AEBP2: variants seen among roughly 807,000 people sequenced by gnomAD.
AEBP2 encodes AE binding protein 2.
Under a neutral mutation model 50.8 loss-of-function variants are expected in AEBP2, and 10 were observed. The observed-to-expected ratio is 0.20, with a 90% CI of 0.12 to 0.33. The LOEUF is 0.33. AEBP2 is among the 10% of genes least tolerant of loss of function. The pLI is 1.00. For missense variants in AEBP2, 570 were observed against 688.0 expected (o/e 0.83, Z 1.92); for synonymous variants, 296 against 261.3 (o/e 1.13, Z -1.28).
At position 19,451,026 on chromosome 12, in the gene AEBP2, A is replaced by G. The variant is rs1414562370; in HGVS notation, c.671+10656A>G. On this transcript the variant is annotated intron_variant, in intron 1 of 7. Coordinates refer to ENST00000266508, the MANE Select transcript of AEBP2 (RefSeq NM_153207.5). ...ATTACTGTTTTGCACTTGTTTGACT[A>G]TGGGCAAATCTTAATTTATCTGAAA... 3.9e-5 allele frequency among the ~76,000 whole-genome samples: 6 copies of G among 152,126 alleles called. No homozygotes were observed. In the East Asian group the frequency reaches 7.7e-4, roughly 20 times the overall value.
chr12:19,517,612 A>AC (rs558322886), intron 7 of AEBP2, among the ~76,000 whole-genome samples: 41 of 152,016 alleles, frequency 2.7e-4, no homozygotes, highest in African/African-American at 9.9e-4. Flanking sequence ...GATTCTGGGG[A>AC]CCCCCCACTC....
intron 2 of AEBP2, among the ~76,000 whole-genome samples, 180 bp downstream of exon 2, chr12:19,462,897 G>T (rs181391572): frequency 2.0e-4 from 31 of 152,186 alleles, no homozygotes; most frequent in Admixed American, 1.9e-3. Context: ...TAAAAATAGG[G>T]TATGTGCTGG....
chr12:19,514,827 A>G, intron 7 of AEBP2, 43 bp downstream of exon 7: 1 of 1,461,628 alleles, frequency 6.8e-7, no homozygotes, highest in Admixed American at 2.0e-5. Flanking sequence ...TTGATTTGTA[A>G]TTTTCTCTCC....
At chr12:19,506,223 A>G (rs189825845) in intron 5 of AEBP2, among the ~76,000 whole-genome samples, 36 of 152,056 alleles carry the variant, frequency 2.4e-4, no homozygotes, top group Admixed American at 4.6e-4. Context: ...CAGCTTCCCT[A>G]GTAGCTGGGA....
At chr12:19,429,318 T>C (rs905645555) in intron 1 of AEBP2, among the ~76,000 whole-genome samples, 4 of 152,208 alleles carry the variant, frequency 2.6e-5, no homozygotes, top group African/African-American at 9.6e-5. Flanking sequence ...CATCCTTTTT[T>C]ATGGCTGCAT....
At chr12:19,433,141 T>A (rs2095752298) in intron 1 of AEBP2, among the ~76,000 whole-genome samples, 1 of 152,202 alleles carries the variant, frequency 6.6e-6, no homozygotes, top group South Asian at 2.1e-4. Context: ...ATCTTGGCAC[T>A]TTGGGCGGCC....
At chr12:19,472,273 CTG>C (rs1368429872) in intron 2 of AEBP2, among the ~76,000 whole-genome samples, 1 of 152,108 alleles carries the variant, frequency 6.6e-6, no homozygotes, top group Non-Finnish European at 1.5e-5. Context: ...AAGTGTGACT[CTG>C]TAATTGTTCT....
chr12:19,419,028 C>A, intron 1 of AEBP2: 1 of 160,892 alleles, frequency 6.2e-6, no homozygotes, highest in South Asian at 1.8e-4. Flanking sequence ...GAAGCTAAAC[C>A]AGACATCGCC....
intron 1 of AEBP2, among the ~76,000 whole-genome samples, chr12:19,451,955 A>G (rs1948172225): frequency 6.6e-6 from 1 of 152,088 alleles, no homozygotes; most frequent in Admixed American, 6.6e-5. Context: ...GCAGTGGCAC[A>G]ATCTTGCTTC....
At chr12:19,456,615 A>G (rs2153369125) in intron 1 of AEBP2, 1 of 1,527,674 alleles carries the variant, frequency 6.5e-7, no homozygotes, top group East Asian at 2.3e-5. Flanking sequence ...CTGAGCAGTG[A>G]AGCCAGCCGC....
intron 2 of AEBP2, among the ~76,000 whole-genome samples, chr12:19,463,383 C>G (rs1948411108): frequency 6.6e-6 from 1 of 152,030 alleles, no homozygotes; most frequent in South Asian, 2.1e-4. Context: ...TCAACTTTAC[C>G]TAGAATTTTG....
In AEBP2 at chr12:19,457,137, T is replaced by C; in HGVS notation, c.672-5373T>C. On this transcript the variant is annotated intron_variant, in intron 1 of 7. Coordinates refer to ENST00000266508, the MANE Select transcript of AEBP2 (RefSeq NM_153207.5). Reference sequence around the variant, plus strand: ...TGACTTCCTTAACAATTTCCTCATATCTCTTCTGGCTGTAGGGTGGCTCAG... The same window carrying C: ...TGACTTCCTTAACAATTTCCTCATACCTCTTCTGGCTGTAGGGTGGCTCAG... The C allele has an allele frequency of 3.8e-6, 6 of 1,598,490 alleles. No individual in the cohort carries two copies. The South Asian group carries it at 5.5e-5, about 15-fold the overall frequency.
At chr12:19,408,701 A>G (rs2095737658) in intron 1 of AEBP2, among the ~76,000 whole-genome samples, 2 of 152,090 alleles carry the variant, frequency 1.3e-5, no homozygotes, top group African/African-American at 4.8e-5. Context: ...GGAGTTCAAG[A>G]GCAGCCTAAC....
At chr12:19,450,206 G>A (rs1208921956) in intron 1 of AEBP2, among the ~76,000 whole-genome samples, 1 of 151,920 alleles carries the variant, frequency 6.6e-6, no homozygotes, top group Admixed American at 6.6e-5. Flanking sequence ...AGTAGAAAAA[G>A]TGACCACCCC....
In AEBP2 at chr12:19,520,296, A is replaced by G. The variant is rs1277252840; in HGVS notation, c.*2179A>G. On this transcript the variant is annotated 3_prime_UTR_variant, in exon 8 of 8. Transcript: ENST00000266508. ...TGAAAAGATACATCTGATATTTTCT[A>G]TATAGAGCACAGTAAATAAGTTTTT... The G allele has an allele frequency of 1.1e-4, 17 of 152,190 alleles. No individual in the cohort carries two copies. The highest frequency in any genetic ancestry group is 1.1e-3 in the Admixed American group (17 of 15,282). The allele number at this position is 152,190 out of a possible 1,614,324, so 9.4% of individuals were successfully genotyped here. A position where few individuals can be genotyped will look rare whatever the true frequency, so the allele number is the denominator to read the frequency against.
chr12:19,519,448 C>T lies in AEBP2; in HGVS notation c.*1331C>T, dbSNP rs1306568082. ...CTAAGAACAAAACACATTGAACATC[C>T]TTCCAGAAAGTCTTTGAGGGAGGAC... On this transcript the variant is annotated 3_prime_UTR_variant, in exon 8 of 8. Transcript: ENST00000266508. 1 of 152,514 alleles carries T rather than the reference C, an allele frequency of 6.6e-6. No individual in the cohort carries two copies. The highest frequency in any genetic ancestry group is 2.4e-5 in the African/African-American group (1 of 41,434). 9.4% of individuals were successfully genotyped at this position (152,514 alleles called of 1,614,324 possible).
At chr12:19,473,478 T>C in intron 3 of AEBP2, 123 bp downstream of exon 3, 1 of 292,690 alleles carries the variant, frequency 3.4e-6, no homozygotes, top group Non-Finnish European at 5.6e-6. Flanking sequence ...CCATCTTGGC[T>C]CCCTGCAGCC....
rs967817843 is a variant in AEBP2 at position 19,473,954 on chromosome 12, GT to G, written c.987+607del. Among the ~76,000 whole-genome samples the G allele has an allele frequency of 2.6e-5, 4 of 151,918 alleles. 1 individual carries two copies. The highest frequency in any genetic ancestry group is 9.7e-5 in the African/African-American group (4 of 41,436). ...AGACTAATGACTGGAAGCCATGTTG[GT>G]TTTTTTTAATACCTTGTGGTCTGAT... is the stretch of plus-strand genomic sequence containing the variant. On this transcript the variant is annotated intron_variant, in intron 3 of 7. Coordinates refer to ENST00000266508, the MANE Select transcript of AEBP2 (RefSeq NM_153207.5).
intron 4 of AEBP2, among the ~76,000 whole-genome samples, chr12:19,497,061 T>C (rs1188541391): frequency 6.6e-6 from 1 of 151,432 alleles, no homozygotes; most frequent in Non-Finnish European, 1.5e-5. Context: ...TTTTTAAATA[T>C]ACTTTAAAGT....
Sources: allele counts gnomAD v4.1 joint callset (sites outside exome capture counted in the v4.1 genomes callset), GRCh38; gene constraint gnomAD v4.1.1; transcripts MANE v1.5; gene names NCBI Gene and HGNC (gene_info 2026-07-23, HGNC 2026-07-21).